The following CACNA1G variants were observed in gnomAD, a reference collection of about 807,000 sequenced individuals.
The protein encoded by CACNA1G is voltage-dependent T-type calcium channel subunit alpha-1G.
Under a neutral mutation model 219.4 loss-of-function variants are expected in CACNA1G, and 67 were observed. The ratio of observed to expected loss-of-function variants is 0.31; its 90% CI spans 0.25 to 0.37. The LOEUF (loss-of-function observed/expected upper bound fraction) is 0.37, where lower values mean the gene tolerates loss of function less well. Among genes scored for constraint, CACNA1G ranks in the 10% least tolerant of loss-of-function variants. CACNA1G has a pLI of 1.00. For synonymous variants in CACNA1G, 1,296 were observed against 1,345.3 expected (o/e 0.96, Z 0.80); for missense variants, 2,380 against 3,231.4 (o/e 0.74, Z 6.39).
At chr17:50,561,821 C>G (rs1053437849) in intron 1 of CACNA1G, 120 bp downstream of exon 1, 4 of 17,316 alleles carry the variant, frequency 2.3e-4, no homozygotes, top group East Asian at 1.9e-3. Context: ...GGAGGGTAGG[C>G]GGATGGGGGG....
Position 50,561,300 on chromosome 17 carries a change from G to C in CACNA1G, c.-160G>C. The C allele has an allele frequency of 1.3e-6, 1 of 796,910 alleles. No individual in the cohort carries two copies. The highest frequency in any genetic ancestry group is 1.8e-5 in the African/African-American group (1 of 54,430). The allele number at this position is 796,910 out of a possible 1,614,324, so 49.4% of individuals were successfully genotyped here. A position where few individuals can be genotyped will look rare whatever the true frequency, so the allele number is the denominator to read the frequency against. On this transcript the variant is annotated 5_prime_UTR_variant, in exon 1 of 38. Transcript: ENST00000359106. ...CGCGGGCAGCATGCCCCTGCGGGCA[G>C]GGGGAGCTGGGCTGAACTGGCCCTC...
rs576414424 is a variant in CACNA1G, at chr17:50,600,384, G to A, written c.3691-342G>A. 6.6e-6 allele frequency among the ~76,000 whole-genome samples: 1 copy of A among 152,236 alleles called. No homozygotes were observed. Among genetic ancestry groups the A allele is most frequent in the East Asian group, 1.9e-4 (1 of 5,166 alleles). ...CTGAACAGACAGCTGTGTGGGGCCA[G>A]TGTTTGATAACTGATGCTGCTTCCC... On this transcript the variant is annotated intron_variant, in intron 17 of 37. Transcript: ENST00000359106. The surrounding 1 kb of genome is among the most constrained non-coding windows in gnomAD (Gnocchi z 4.1).
At position 50,600,888 on chromosome 17, in the gene CACNA1G, G is replaced by A. The variant is rs892504004; in HGVS notation, c.3791+62G>A. On this transcript the variant is annotated intron_variant, in intron 18 of 37. Coordinates refer to ENST00000359106, the MANE Select transcript of CACNA1G (RefSeq NM_018896.5). The surrounding 1 kb of genome is among the most constrained non-coding windows in gnomAD (Gnocchi z 4.1). ...CCTCTTCTTCTCACGGGAAATTACC[G>A]CTGGTGATGCTGTCAGGGATTTGAG... 7.0e-6 allele frequency: 11 copies of A among 1,565,498 alleles called. No homozygotes were observed. The highest frequency in any genetic ancestry group is 5.0e-5 in the Admixed American group (3 of 59,740).
chr17:50,605,704 C>A (rs903973549), intron 22 of CACNA1G, among the ~76,000 whole-genome samples, 194 bp from the exon 23 acceptor site: 2 of 152,230 alleles, frequency 1.3e-5, no homozygotes, highest in African/African-American at 4.8e-5. Context: ...ACCTTTCCTC[C>A]CCACTCTTGG....
At position 50,591,987 on chromosome 17, in the gene CACNA1G, C is replaced by T. The variant is rs2044436641; in HGVS notation, c.2805C>T (p.Ser935=). Residue 935 remains serine (S), a synonymous_variant, in exon 13 of 38, where the codon TCC becomes TCT. Coordinates refer to ENST00000359106, the MANE Select transcript of CACNA1G (RefSeq NM_018896.5). The part of the protein sequence containing the change: ...WNKVLYNGMA[S]TSSWAALYFI... ...AAGTCCTCTACAATGGTATGGCCTC[C>T]ACGTCGTCCTGGGCGGCCCTTTATT... The T allele has an allele frequency of 6.2e-7, 1 of 1,613,882 alleles. No individual in the cohort carries two copies. Among genetic ancestry groups the T allele is most frequent in the African/African-American group, 1.3e-5 (1 of 74,936 alleles).
At chr17:50,592,362 C>T (rs574042128) in intron 13 of CACNA1G, among the ~76,000 whole-genome samples, 44 of 152,190 alleles carry the variant, frequency 2.9e-4, no homozygotes, top group South Asian at 6.2e-4. Context: ...TGGCTAGACC[C>T]CTTCCCCAGA....
Position 50,573,214 on chromosome 17 carries a change from T to C in CACNA1G, c.1140+101T>C, listed in dbSNP as rs761687874. On this transcript the variant is annotated intron_variant, in intron 7 of 37. Coordinates refer to ENST00000359106, the MANE Select transcript of CACNA1G (RefSeq NM_018896.5). ...GTTTGCTCTGTCTGAAGTTTTTAGC[T>C]CTCAGGACAAGTCCTGTAGAGAGGG... The C allele has an allele frequency of 7.2e-6, 6 of 836,004 alleles. No homozygotes were observed. In the African/African-American group the frequency reaches 1.0e-4, roughly 14 times the overall value. The allele number at this position is 836,004 out of a possible 1,614,324, so 51.8% of individuals were successfully genotyped here.
intron 1 of CACNA1G, among the ~76,000 whole-genome samples, chr17:50,562,453 T>G (rs1021547676): frequency 6.6e-6 from 1 of 152,116 alleles, no homozygotes; most frequent in African/African-American, 2.4e-5. Context: ...GTGGAGCCCC[T>G]TTCCGCTAGA....
intron 27 of CACNA1G, 145 bp downstream of exon 27, chr17:50,615,657 G>A (rs1163105637): frequency 2.6e-5 from 21 of 812,202 alleles, no homozygotes; most frequent in East Asian, 2.2e-4. Flanking sequence ...CCCCTTGGAG[G>A]TGGGTATCAT....
intron 19 of CACNA1G, among the ~76,000 whole-genome samples, chr17:50,602,106 C>G (rs1451729966): frequency 6.6e-6 from 1 of 152,216 alleles, no homozygotes; most frequent in Non-Finnish European, 1.5e-5. Context: ...GCCTGAGGCC[C>G]TGCTGTAGAG....
Position 50,561,209 on chromosome 17 carries a change from G to A in CACNA1G, c.-251G>A. On this transcript the variant is annotated 5_prime_UTR_variant, in exon 1 of 38. Coordinates refer to ENST00000359106, the MANE Select transcript of CACNA1G (RefSeq NM_018896.5). The stretch of plus-strand genomic sequence containing the variant: ...AGGGGGAGCCGGCCGGCTGGCCCGG[G>A]AAGCCCCAGGGGCGCAGGGGAAGCG... 1.8e-6 allele frequency: 1 copy of A among 570,396 alleles called. No individual in the cohort carries two copies. Among genetic ancestry groups the A allele is most frequent in the South Asian group, 1.8e-5 (1 of 54,160 alleles). 35.3% of individuals were successfully genotyped at this position (570,396 alleles called of 1,614,324 possible). A position where few individuals can be genotyped will look rare whatever the true frequency, so the allele number is the denominator to read the frequency against.
At chr17:50,587,502 G>A (rs962917499) in intron 9 of CACNA1G, among the ~76,000 whole-genome samples, 8 of 152,218 alleles carry the variant, frequency 5.3e-5, no homozygotes, top group African/African-American at 1.4e-4. Flanking sequence ...TCCTGCATTC[G>A]CAGATCGTTC....
In CACNA1G at chr17:50,578,700, G is replaced by A; in HGVS notation, c.2301+136G>A. The A allele has an allele frequency of 1.2e-6, 1 of 855,106 alleles. No individual in the cohort carries two copies. The highest frequency in any genetic ancestry group is 1.7e-6 in the Non-Finnish European group (1 of 573,998). The allele number at this position is 855,106 out of a possible 1,614,324, so 53.0% of individuals were successfully genotyped here. On this transcript the variant is annotated intron_variant, in intron 9 of 37. Coordinates refer to ENST00000359106, the MANE Select transcript of CACNA1G (RefSeq NM_018896.5). The surrounding 1 kb of genome is among the most constrained non-coding windows in gnomAD (Gnocchi z 4.5). ...GCTAGCCCACCTGGCAGGTAGGAGG[G>A]GAGGTGGGTGATGGAGCAATGCATG...
In CACNA1G at chr17:50,603,419, T is replaced by A. The variant is rs17717014; in HGVS notation, c.4169+220T>A. ...ACACCTGCTTTCCTCCTCTTCAACATGACATATTCCTCAGGGCCGCTGCAC... is the reference window on the plus strand; with the variant it reads ...ACACCTGCTTTCCTCCTCTTCAACAAGACATATTCCTCAGGGCCGCTGCAC... On this transcript the variant is annotated intron_variant, in intron 21 of 37. Transcript: ENST00000359106. This position sits in a 1 kb window ranked among gnomAD's most constrained non-coding sequence, Gnocchi z 6.4. 0.27 allele frequency among the ~76,000 whole-genome samples: 41,716 copies of A among 152,002 alleles called. 6,450 individuals are homozygous for A. Among genetic ancestry groups the A allele is most frequent in the Middle Eastern group, 0.35 (102 of 294 alleles).
chr17:50,604,681 C>T (rs1036222443), intron 22 of CACNA1G, among the ~76,000 whole-genome samples: 4 of 152,224 alleles, frequency 2.6e-5, no homozygotes, highest in African/African-American at 4.8e-5. Flanking sequence ...AGGTTAGCAG[C>T]GTGCTGGCAG....
Position 50,621,931 on chromosome 17 carries a change from G to A in CACNA1G, c.6060+137G>A, listed in dbSNP as rs944959734. 43 of 900,078 alleles carry A rather than the reference G, an allele frequency of 4.8e-5. No individual in the cohort carries two copies. The highest frequency in any genetic ancestry group is 7.2e-5 in the Non-Finnish European group (43 of 593,222). 55.8% of individuals were successfully genotyped at this position (900,078 alleles called of 1,614,324 possible). On this transcript the variant is annotated intron_variant, in intron 35 of 37. Transcript: ENST00000359106. The surrounding 1 kb of genome is among the most constrained non-coding windows in gnomAD (Gnocchi z 4.6). Reference sequence around the variant, plus strand: ...CAGGCTCCACCCAGAGGCATCAACTGTCAGGACCTCGGTGGCCCACGCTTT... The same window carrying A: ...CAGGCTCCACCCAGAGGCATCAACTATCAGGACCTCGGTGGCCCACGCTTT...
chr17:50,623,347 A>G (rs1441056671), intron 35 of CACNA1G, among the ~76,000 whole-genome samples: 1 of 142,860 alleles, frequency 7.0e-6, no homozygotes, highest in Non-Finnish European at 1.5e-5. Context: ...CCTGAGCTCA[A>G]GCGATCTGCC....
chr17:50,608,798 G>A (rs1046172545), intron 25 of CACNA1G, among the ~76,000 whole-genome samples: 1 of 152,038 alleles, frequency 6.6e-6, no homozygotes. Context: ...CACAGCAGGC[G>A]CCCAGGCCCC....
intron 13 of CACNA1G, among the ~76,000 whole-genome samples, chr17:50,594,776 C>T (rs552567041): frequency 1.3e-5 from 2 of 152,268 alleles, no homozygotes; most frequent in South Asian, 4.1e-4. Flanking sequence ...GGCCTCTGCA[C>T]TCACCCTTCA....
Sources: gnomAD v4.1 joint callset for allele counts (sites outside exome capture counted in the v4.1 genomes callset) on GRCh38, gnomAD v4.1.1 for gene constraint, Gnocchi (gnomAD v3.1) non-coding constraint, MANE v1.5 for transcripts, NCBI Gene and HGNC (gene_info 2026-07-23, HGNC 2026-07-21) for gene names.